SATB2: variants seen among roughly 807,000 people sequenced by gnomAD.
The protein encoded by SATB2 is SATB homeobox 2.
A neutral mutation model predicts 73.4 loss-of-function variants in SATB2; 1 was observed. The ratio of observed to expected loss-of-function variants is 0.01; its 90% CI spans 0.00 to 0.06. SATB2 has a LOEUF of 0.06. Ranked by LOEUF, SATB2 falls within the 10% of genes least tolerant of loss-of-function variation. The pLI is 1.00. For synonymous variants in SATB2, 397 were observed against 367.0 expected, an observed-to-expected ratio of 1.08 and a Z score of -0.93; for missense variants, 459 against 945.8, an observed-to-expected ratio of 0.49 and a Z score of 6.75.
In SATB2 at chr2:199,270,716, C is replaced by T. The variant is rs1373224122; in HGVS notation, c.*1495G>A. 6.6e-6 allele frequency: 1 copy of T among 152,282 alleles called. No individual in the cohort carries two copies. The highest frequency in any genetic ancestry group is 2.4e-5 in the African/African-American group (1 of 41,424). The allele number at this position is 152,282 out of a possible 1,614,324, so 9.4% of individuals were successfully genotyped here. ...TAGATTGCAGCTTTAATGCTCATCC[C>T]ATTAAACATCCAGTCAGCATTAGTT... On this transcript the variant is annotated 3_prime_UTR_variant, in exon 11 of 11. Coordinates refer to ENST00000417098, the MANE Select transcript of SATB2 (RefSeq NM_001172509.2).
At chr2:199,369,088 G>A (rs1270134663) in intron 5 of SATB2, 1 of 194,114 alleles carries the variant, frequency 5.2e-6, no homozygotes, top group Non-Finnish European at 1.1e-5. Context: ...ACTGCAACAA[G>A]CTTACACAGC....
At chr2:199,431,236 T>C (rs536833327) in intron 3 of SATB2, among the ~76,000 whole-genome samples, 4 of 152,358 alleles carry the variant, frequency 2.6e-5, no homozygotes, top group African/African-American at 7.2e-5. Flanking sequence ...ACCTGTCTTA[T>C]CATGCATACT....
At chr2:199,426,174 T>C (rs1691322084) in intron 3 of SATB2, among the ~76,000 whole-genome samples, 1 of 151,516 alleles carries the variant, frequency 6.6e-6, no homozygotes, top group Admixed American at 6.6e-5. Context: ...CTGCTGAAAG[T>C]CTCCCAAACA....
chr2:199,273,173 T>C (rs546250841), intron 10 of SATB2, among the ~76,000 whole-genome samples: 35 of 152,326 alleles, frequency 2.3e-4, no homozygotes, highest in African/African-American at 7.9e-4. Flanking sequence ...CCTAGAGATG[T>C]TGTAAGGATT....
intron 6 of SATB2, among the ~76,000 whole-genome samples, chr2:199,363,310 G>T (rs1689191463): frequency 6.6e-6 from 1 of 152,192 alleles, no homozygotes; most frequent in African/African-American, 2.4e-5. Context: ...CAGTAGAAAT[G>T]ATGTTTCTAT....
intron 3 of SATB2, among the ~76,000 whole-genome samples, chr2:199,410,828 T>C (rs1690790469): frequency 6.6e-6 from 1 of 152,218 alleles, no homozygotes; most frequent in South Asian, 2.1e-4. Context: ...AAGCAGCTAA[T>C]AGTGTAAAAG....
intron 3 of SATB2, among the ~76,000 whole-genome samples, chr2:199,409,586 C>G (rs542325288): frequency 6.6e-6 from 1 of 152,188 alleles, no homozygotes; most frequent in East Asian, 1.9e-4. Context: ...ACATTTTTAT[C>G]ATGGCTAAAG....
At chr2:199,465,214 T>G (rs1435394068), upstream of SATB2, 3 of 152,224 alleles carry the variant, frequency 2.0e-5, no homozygotes, top group Non-Finnish European at 4.4e-5. Flanking sequence ...CAGCAGTCCT[T>G]GTCTCGAGAG....
intron 10 of SATB2, among the ~76,000 whole-genome samples, chr2:199,295,958 A>G (rs539781091): frequency 7.4e-4 from 112 of 152,324 alleles, no homozygotes; most frequent in African/African-American, 2.6e-3. Context: ...GTGCTTTTCT[A>G]TCATTACAAG....
At chr2:199,363,444 T>C (rs1382684756) in intron 6 of SATB2, among the ~76,000 whole-genome samples, 1 of 152,126 alleles carries the variant, frequency 6.6e-6, no homozygotes, top group Non-Finnish European at 1.5e-5. Context: ...TTTAAAACAA[T>C]TGAATTCATA....
At chr2:199,458,353 G>A (rs1692359861), upstream of SATB2, 2 of 279,366 alleles carry the variant, frequency 7.2e-6, no homozygotes, top group South Asian at 2.7e-5. Context: ...GCGGGTGGGA[G>A]GCAGGGAGGA....
chr2:199,449,575 A>G (rs1482707810), intron 2 of SATB2, among the ~76,000 whole-genome samples: 4 of 152,326 alleles, frequency 2.6e-5, no homozygotes, highest in African/African-American at 9.6e-5. Flanking sequence ...AAAATAGCAT[A>G]CTATAATGAC....
intron 3 of SATB2, among the ~76,000 whole-genome samples, chr2:199,386,751 CACACACACACACACA>C (rs779744442): frequency 2.0e-4 from 28 of 143,552 alleles, no homozygotes; most frequent in Non-Finnish European, 3.4e-4. Flanking sequence ...CACACACACA[CACACACACACACACA>C]CCTTTGAGTT....
Position 199,272,233 on chromosome 2 carries a change from G to C in SATB2, c.2180C>G (p.Pro727Arg), listed in dbSNP as rs1240942211. ...ACATTATCTCTGGTCAATTTCGGCA[G>C]GTGCTGCCTTGCTTTTGTCAGCATT... The part of the protein sequence containing the change: ...EENADKSKAA[P>R]AEIDQR Residue 727 changes from proline to arginine, a missense_variant, in exon 11 of 11, where the codon CCT becomes CGT. By Grantham distance (103) the Pro-to-Arg change is moderately radical. Around this residue, in one of 13 missense-constraint regions of SATB2, gnomAD observed 41 missense variants for 38.6 expected, o/e 1.06. Coordinates refer to ENST00000417098, the MANE Select transcript of SATB2 (RefSeq NM_001172509.2). The surrounding 1 kb of genome is among the most constrained non-coding windows in gnomAD (Gnocchi z 6.7). 1.2e-6 allele frequency: 2 copies of C among 1,614,136 alleles called. No homozygotes were observed. The highest frequency in any genetic ancestry group is 1.7e-6 in the Non-Finnish European group (2 of 1,180,002).
intron 10 of SATB2, among the ~76,000 whole-genome samples, chr2:199,289,782 T>A (rs2105740026): frequency 6.6e-6 from 1 of 152,296 alleles, no homozygotes; most frequent in Non-Finnish European, 1.5e-5. Context: ...TCTCACTGAC[T>A]CCTTCCCCTC....
At chr2:199,342,128 C>G (rs1283750348) in intron 7 of SATB2, among the ~76,000 whole-genome samples, 2 of 152,256 alleles carry the variant, frequency 1.3e-5, no homozygotes, top group South Asian at 2.1e-4. Flanking sequence ...AAAAGCCTAA[C>G]AGCAGACGCA....
intron 6 of SATB2, among the ~76,000 whole-genome samples, chr2:199,350,693 T>C (rs1363784300): frequency 1.3e-5 from 2 of 152,132 alleles, no homozygotes; most frequent in African/African-American, 4.8e-5. Flanking sequence ...TCACCTTATA[T>C]TTAGACATGT....
chr2:199,362,887 A>T (rs1689179111), intron 6 of SATB2, among the ~76,000 whole-genome samples: 1 of 152,198 alleles, frequency 6.6e-6, no homozygotes, highest in Non-Finnish European at 1.5e-5. Flanking sequence ...GGGCGTAAGG[A>T]AATAGATCAT....
Position 199,455,879 on chromosome 2 carries a change from C to G in SATB2, c.159G>C (p.Lys53Asn). The change falls in exon 2 of 11, where the codon AAG becomes AAC. Residue 53 changes from lysine to asparagine, a missense_variant. By Grantham distance (94) the Lys-to-Asn change is moderately conservative. Coordinates refer to ENST00000417098, the MANE Select transcript of SATB2 (RefSeq NM_001172509.2). The surrounding 1 kb of genome is among the most constrained non-coding windows in gnomAD (Gnocchi z 4.1). ...ARGRPNGAVA[K>N]AVGGLMIPVF... ...GCTCCGGGCTGTTACCTCCCACGGC[C>G]TTGGCCACGGCGCCGTTGGGCCTCC... 2 of 1,537,268 alleles carry G rather than the reference C, an allele frequency of 1.3e-6. No homozygotes were observed. The highest frequency in any genetic ancestry group is 1.7e-6 in the Non-Finnish European group (2 of 1,147,996).
Sources: allele counts gnomAD v4.1 joint callset (sites outside exome capture counted in the v4.1 genomes callset), GRCh38; gene constraint gnomAD v4.1.1; regional missense constraint gnomAD v4.1.1; non-coding constraint Gnocchi (gnomAD v3.1); transcripts MANE v1.5; gene names NCBI Gene and HGNC (gene_info 2026-07-23, HGNC 2026-07-21).